DIPK2A: variants seen among roughly 807,000 people sequenced by gnomAD.
The protein encoded by DIPK2A is Golgi Protein of 49 kDa.
DIPK2A carries 27 observed loss-of-function variants against 39.0 expected under a neutral mutation model. The ratio of observed to expected loss-of-function variants is 0.69; its 90% confidence interval spans 0.51 to 0.96. The LOEUF is 0.96. DIPK2A is among the 40% of genes least tolerant of loss of function. The pLI, the probability that DIPK2A is intolerant of heterozygous loss-of-function variation, is 0.00. For synonymous variants in DIPK2A, 298 were observed against 240.8 expected, an observed-to-expected ratio of 1.24 and a Z score of -2.20; for missense variants, 528 against 571.3, an observed-to-expected ratio of 0.92 and a Z score of 0.77.
Position 143,972,641 on chromosome 3 carries a change from C to T in DIPK2A, c.309C>T (p.Gly103=). Residue 103 remains glycine, a synonymous_variant, in exon 1 of 3, where the codon GGC becomes GGT. Transcript: ENST00000315691. ...FAQYGEPREG[G]RRRVVLKRLG... Reference sequence around the variant, plus strand: ...AGTACGGCGAGCCCCGCGAGGGCGGCCGCCGCCGAGTGGTGCTCAAGCGCC... The same window carrying T: ...AGTACGGCGAGCCCCGCGAGGGCGGTCGCCGCCGAGTGGTGCTCAAGCGCC... 1 of 1,611,292 alleles carries T rather than the reference C, an allele frequency of 6.2e-7. No homozygotes were observed. Among genetic ancestry groups the T allele is most frequent in the Non-Finnish European group, 8.5e-7 (1 of 1,179,366 alleles).
Position 143,990,441 on chromosome 3 carries a change from T to C in DIPK2A, c.*600T>C, listed in dbSNP as rs1383606525. 11 of 151,980 alleles carry C rather than the reference T, an allele frequency of 7.2e-5. No homozygotes were observed. The highest frequency in any genetic ancestry group is 2.7e-4 in the African/African-American group (11 of 41,386). 9.4% of individuals were successfully genotyped at this position (151,980 alleles called of 1,614,324 possible). On this transcript the variant is annotated 3_prime_UTR_variant, in exon 3 of 3. Transcript: ENST00000315691. ...GGTTTACTGTGTTTTTTTTTTTTTTTTTTAAAGAAAGCTAAATATTACATT... is the reference window on the plus strand; with the variant it reads ...GGTTTACTGTGTTTTTTTTTTTTTTCTTTAAAGAAAGCTAAATATTACATT...
chr3:143,973,011 G>A, intron 1 of DIPK2A, 22 bp downstream of exon 1: 1 of 1,559,308 alleles, frequency 6.4e-7, no homozygotes. Flanking sequence ...GCCAGGGCAG[G>A]GGGCGTCCTG....
chr3:143,989,611 A>T lies in DIPK2A; in HGVS notation c.1063A>T (p.Thr355Ser). The T allele has an allele frequency of 1.2e-6, 2 of 1,614,234 alleles. No homozygotes were observed. Among genetic ancestry groups the T allele is most frequent in the Non-Finnish European group, 1.7e-6 (2 of 1,180,040 alleles). ...FSKEILCARA[T>S]VDHNYYAVCQ... ...AAAAGAAATTCTTTGTGCTCGTGCC[A>T]CTGTGGACCACAATTACTATGCTGT... Residue 355 changes from threonine (T) to serine (S), a missense_variant, in exon 3 of 3, where the codon ACT (threonine) becomes TCT (serine). Thr to Ser is a moderately conservative substitution (Grantham distance 58, BLOSUM62 1). Around this residue, in one of 2 missense-constraint regions of DIPK2A, gnomAD observed 219 missense variants for 281.5 expected, o/e 0.78. Transcript: ENST00000315691.
At position 143,990,444 on chromosome 3, in the gene DIPK2A, TAAAG is replaced by T. The variant is rs1252401817; in HGVS notation, c.*608_*611del. The T allele has an allele frequency of 6.6e-6, 1 of 150,616 alleles. No individual in the cohort carries two copies. Among genetic ancestry groups the T allele is most frequent in the South Asian group, 2.1e-4 (1 of 4,782 alleles). 9.3% of individuals were successfully genotyped at this position (150,616 alleles called of 1,614,324 possible). ...TTACTGTGTTTTTTTTTTTTTTTTT[TAAAG>T]AAAGCTAAATATTACATTATGTAAA... On this transcript the variant is annotated 3_prime_UTR_variant, in exon 3 of 3. Transcript: ENST00000315691.
At position 143,972,680 on chromosome 3, in the gene DIPK2A, C is replaced by T. The variant is rs778666692; in HGVS notation, c.348C>T (p.Arg116=). The T allele has an allele frequency of 9.9e-6, 16 of 1,608,150 alleles. No individual in the cohort carries two copies. The South Asian group carries it at 1.3e-4, about 13-fold the overall frequency. Residue 116 remains arginine, a synonymous_variant, in exon 1 of 3, where the codon CGC becomes CGT. Coordinates refer to ENST00000315691, the MANE Select transcript of DIPK2A (RefSeq NM_173552.5). The stretch of plus-strand genomic sequence containing the variant: ...TGCTCAAGCGCCTCGGCTCGCAGCG[C>T]GAGCTGGCGCAGCTCGACCAGAGCA... The part of the protein sequence containing the change: ...RVVLKRLGSQ[R]ELAQLDQSIC...
rs1471083591 is a variant in DIPK2A at position 143,989,610 on chromosome 3, C to T, written c.1062C>T (p.Ala354=). Residue 354 remains alanine (A), a synonymous_variant, in exon 3 of 3, where the codon GCC becomes GCT. Transcript: ENST00000315691. The part of the protein sequence containing the change: ...SFSKEILCAR[A]TVDHNYYAVC... ...CAAAAGAAATTCTTTGTGCTCGTGC[C>T]ACTGTGGACCACAATTACTATGCTG... 1 of 1,614,148 alleles carries T rather than the reference C, an allele frequency of 6.2e-7. No individual in the cohort carries two copies. Among genetic ancestry groups the T allele is most frequent in the East Asian group, 2.2e-5 (1 of 44,876 alleles).
Position 143,990,102 on chromosome 3 carries a change from A to G in DIPK2A, c.*261A>G, listed in dbSNP as rs2087959928. Reference sequence around the variant, plus strand: ...GCTCCCCACTACCCCGGAATGCTTGAGTGGATTAATGAATATTGTTAAGCT... The same window carrying G: ...GCTCCCCACTACCCCGGAATGCTTGGGTGGATTAATGAATATTGTTAAGCT... On this transcript the variant is annotated 3_prime_UTR_variant, in exon 3 of 3. Transcript: ENST00000315691. 1 of 415,782 alleles carries G rather than the reference A, an allele frequency of 2.4e-6. No individual in the cohort carries two copies. The highest frequency in any genetic ancestry group is 4.3e-6 in the Non-Finnish European group (1 of 230,918). The allele number at this position is 415,782 out of a possible 1,614,324, so 25.8% of individuals were successfully genotyped here. A position where few individuals can be genotyped will look rare whatever the true frequency, so the allele number is the denominator to read the frequency against.
intron 1 of DIPK2A, among the ~76,000 whole-genome samples, chr3:143,975,223 T>TA (rs1576805623): frequency 6.6e-6 from 1 of 152,160 alleles, no homozygotes; most frequent in East Asian, 1.9e-4. Flanking sequence ...CTAATACTAA[T>TA]ATATGTATTA....
In DIPK2A at chr3:143,986,154, G is replaced by A. The variant is rs76531635; in HGVS notation, c.961+308G>A. On this transcript the variant is annotated intron_variant, in intron 2 of 2. Transcript: ENST00000315691. The stretch of plus-strand genomic sequence containing the variant: ...ACACTTACATTAGTCTAAAGTTGGG[G>A]GAAATTGTGTAAAACAAAGCCTATT... The A allele has an allele frequency of 7.4e-4, 192 of 259,450 alleles. 2 individuals carry two copies. In the East Asian group the frequency reaches 0.015, roughly 20 times the overall value. The allele number at this position is 259,450 out of a possible 1,614,324, so 16.1% of individuals were successfully genotyped here. A position where few individuals can be genotyped will look rare whatever the true frequency, so the allele number is the denominator to read the frequency against.
At chr3:143,978,948 C>G (rs910515841) in intron 1 of DIPK2A, among the ~76,000 whole-genome samples, 2 of 151,590 alleles carry the variant, frequency 1.3e-5, no homozygotes, top group African/African-American at 4.8e-5. Context: ...TTAATACTTA[C>G]CTAACAGGAT....
chr3:143,978,648 A>ATC (rs2087777264), intron 1 of DIPK2A: 1 of 49,368 alleles, frequency 2.0e-5, no homozygotes, highest in Admixed American at 2.0e-4. Flanking sequence ...ATCTATATAT[A>ATC]TATATATATA....
rs967417198 is a variant in DIPK2A at position 143,990,151 on chromosome 3, A to T, written c.*310A>T. The T allele has an allele frequency of 1.2e-5, 3 of 258,424 alleles. No homozygotes were observed. Among genetic ancestry groups the T allele is most frequent in the Non-Finnish European group, 7.5e-6 (1 of 133,986 alleles). The allele number at this position is 258,424 out of a possible 1,614,324, so 16.0% of individuals were successfully genotyped here. ...CTATTGGAAATGAGTCTGATAGTACATTGGCTTGTGTATCAAAGGGTACTT... is the reference window on the plus strand; with the variant it reads ...CTATTGGAAATGAGTCTGATAGTACTTTGGCTTGTGTATCAAAGGGTACTT... On this transcript the variant is annotated 3_prime_UTR_variant, in exon 3 of 3. Coordinates refer to ENST00000315691, the MANE Select transcript of DIPK2A (RefSeq NM_173552.5).
At chr3:143,978,610 ATATATC>A (rs1362246972) in intron 1 of DIPK2A, 1 of 36,428 alleles carries the variant, frequency 2.7e-5, no homozygotes, top group Non-Finnish European at 4.3e-5. Context: ...ATCTATATAT[ATATATC>A]TATATCTATA....
intron 1 of DIPK2A, among the ~76,000 whole-genome samples, chr3:143,982,795 C>G (rs1224626270): frequency 1.3e-5 from 2 of 152,054 alleles, no homozygotes; most frequent in African/African-American, 4.8e-5. Flanking sequence ...TTAAAAGACA[C>G]AGACTGGCAA....
intron 1 of DIPK2A, among the ~76,000 whole-genome samples, chr3:143,984,504 A>G (rs1236530410): frequency 6.6e-6 from 1 of 151,674 alleles, no homozygotes; most frequent in Admixed American, 6.6e-5. Flanking sequence ...AGGCCTGAGG[A>G]GAGGCCTCCC....
intron 1 of DIPK2A, chr3:143,973,747 G>A (rs748707383): frequency 6.1e-5 from 37 of 606,178 alleles, no homozygotes; most frequent in Non-Finnish European, 6.5e-5. Flanking sequence ...GCCAGGGCGA[G>A]TATCAGGGAA....
At chr3:143,986,478 A>G (rs1033444646) in intron 2 of DIPK2A, among the ~76,000 whole-genome samples, 2 of 152,160 alleles carry the variant, frequency 1.3e-5, no homozygotes, top group Non-Finnish European at 2.9e-5. Context: ...TAATCCCAGC[A>G]CTTTGGGAGG....
At chr3:143,984,637 C>T (rs1294290390) in intron 1 of DIPK2A, among the ~76,000 whole-genome samples, 1 of 151,934 alleles carries the variant, frequency 6.6e-6, no homozygotes, top group Non-Finnish European at 1.5e-5. Context: ...TTAGATAAAG[C>T]CTGTTATTTT....
At chr3:143,978,592 ATCTATC>A (rs1362652806) in intron 1 of DIPK2A, 1 of 74,014 alleles carries the variant, frequency 1.4e-5, no homozygotes, top group African/African-American at 1.3e-4. Flanking sequence ...ATCTATATCT[ATCTATC>A]TATCTATATA....
Sources: gnomAD v4.1 joint callset for allele counts (sites outside exome capture counted in the v4.1 genomes callset) on GRCh38, gnomAD v4.1.1 for gene constraint, gnomAD v4.1.1 regional missense constraint, MANE v1.5 for transcripts, NCBI Gene and HGNC (gene_info 2026-07-23, HGNC 2026-07-21) for gene names.